Variants in ESCO2 observed in about 807,000 individuals in gnomAD.
The protein encoded by ESCO2 is N-acetyltransferase ESCO2.
Under a neutral mutation model 61.7 loss-of-function variants are expected in ESCO2, and 51 were observed. The ratio of observed to expected loss-of-function variants is 0.83; its 90% CI spans 0.66 to 1.04. The LOEUF (loss-of-function observed/expected upper bound fraction) is 1.04. Among genes scored for constraint, ESCO2 ranks in the 50% least tolerant of loss-of-function variants. The pLI is 0.00. For missense variants in ESCO2, 692 were observed against 686.2 expected (o/e 1.01, Z -0.09); for synonymous variants, 230 against 238.2 (o/e 0.97, Z 0.32).
At chr8:27,801,070 A>G (rs575901303) in intron 10 of ESCO2, among the ~76,000 whole-genome samples, 2 of 152,304 alleles carry the variant, frequency 1.3e-5, no homozygotes, top group East Asian at 3.9e-4. Flanking sequence ...GTACACTTTT[A>G]AAGGGTGAGT....
chr8:27,776,296 A>T, intron 2 of ESCO2, 66 bp from the exon 3 acceptor site: 1 of 1,324,044 alleles, frequency 7.6e-7, no homozygotes, highest in Non-Finnish European at 1.1e-6. Context: ...GAGCTTACTT[A>T]GCAGTAGATT....
chr8:27,796,506 TGA>T (rs1805300191), intron 9 of ESCO2, among the ~76,000 whole-genome samples: 1 of 152,178 alleles, frequency 6.6e-6, no homozygotes, highest in Non-Finnish European at 1.5e-5. Flanking sequence ...TTAGGCTACT[TGA>T]GATCTTTCTT....
chr8:27,794,318 A>AT, intron 9 of ESCO2, among the ~76,000 whole-genome samples: 1 of 152,264 alleles, frequency 6.6e-6, no homozygotes, highest in East Asian at 1.9e-4. Flanking sequence ...GCGTGAGGTG[A>AT]TCTTGTTTTA....
intron 2 of ESCO2, 109 bp from the exon 3 acceptor site, chr8:27,776,253 T>A: frequency 2.5e-6 from 2 of 815,088 alleles, no homozygotes; most frequent in Non-Finnish European, 3.9e-6. Flanking sequence ...GTATGGGGGG[T>A]ACATGTATTG....
At chr8:27,786,433 G>A (rs1805043303) in intron 5 of ESCO2, among the ~76,000 whole-genome samples, 1 of 152,154 alleles carries the variant, frequency 6.6e-6, no homozygotes. Context: ...ACTGTGCCTG[G>A]GCATGACTGC....
At chr8:27,816,926 T>C (rs1218747701), downstream of ESCO2, among the ~76,000 whole-genome samples, 1 of 152,150 alleles carries the variant, frequency 6.6e-6, no homozygotes, top group Non-Finnish European at 1.5e-5. Flanking sequence ...TCTCACACAT[T>C]GTTGCATAGT....
upstream of ESCO2, chr8:27,774,340 G>A (rs1211159991): frequency 6.6e-6 from 1 of 152,178 alleles, no homozygotes; most frequent in Non-Finnish European, 1.5e-5. Flanking sequence ...CGGGAACGGA[G>A]TCCGGCGTTG....
downstream of ESCO2, chr8:27,810,179 T>A (rs1585418101): frequency 7.6e-6 from 5 of 661,666 alleles, no homozygotes; most frequent in East Asian, 1.4e-4. Flanking sequence ...GTTATCCATA[T>A]GTTAACAAGA....
intron 10 of ESCO2, among the ~76,000 whole-genome samples, chr8:27,802,666 A>G (rs1256225669): frequency 6.4e-5 from 8 of 125,070 alleles, no homozygotes; most frequent in Non-Finnish European, 9.9e-5. Flanking sequence ...TTATATATAT[A>G]TATATATAGT....
At chr8:27,817,625 G>A (rs1405412295), downstream of ESCO2, among the ~76,000 whole-genome samples, 1 of 151,044 alleles carries the variant, frequency 6.6e-6, no homozygotes, top group African/African-American at 2.4e-5. Flanking sequence ...TAATATATCA[G>A]GTTATTATAA....
rs1382297259 is a variant in ESCO2 at position 27,803,298 on chromosome 8, T to G, written c.1674-8T>G. On this transcript the variant is annotated splice_region_variant and splice_polypyrimidine_tract_variant and intron_variant, in intron 10 of 10. Transcript: ENST00000305188. ...TCCATCATTAAATCATCTTTTCTTC[T>G]CTTTTAGGAATTGCTTCATGTTTGG... The G allele has an allele frequency of 6.2e-7, 1 of 1,613,482 alleles. No individual in the cohort carries two copies. The highest frequency in any genetic ancestry group is 1.3e-5 in the African/African-American group (1 of 74,908).
At chr8:27,777,190 T>A (rs1804814258) in intron 3 of ESCO2, 21 bp downstream of exon 3, 1 of 1,589,972 alleles carries the variant, frequency 6.3e-7, no homozygotes, top group South Asian at 1.2e-5. Flanking sequence ...ATATATCACT[T>A]TAAAAATGGC....
chr8:27,781,172 A>T (rs1804919728), intron 4 of ESCO2, among the ~76,000 whole-genome samples: 2 of 152,202 alleles, frequency 1.3e-5, no homozygotes, highest in Non-Finnish European at 2.9e-5. Flanking sequence ...TAATAACTAC[A>T]GTTTATCATT....
chr8:27,777,384 C>G (rs1804819759), intron 3 of ESCO2: 1 of 372,504 alleles, frequency 2.7e-6, no homozygotes, highest in East Asian at 6.1e-5. Flanking sequence ...TCACTACAGC[C>G]TCAACCTCCT....
Position 27,792,774 on chromosome 8 carries a change from G to C in ESCO2, c.1460G>C (p.Arg487Thr), listed in dbSNP as rs1219698212. ...TTTCTTTTTATATCTGATGAAAAGA[G>C]AGTAGTTGGGTGTTTAATTGCAGAA... ...KTFLFISDEK[R>T]VVGCLIAEPI... The change falls in exon 9 of 11, where the codon AGA becomes ACA. Residue 487 changes from arginine to threonine, a missense_variant. By Grantham distance (71) the Arg-to-Thr change is moderately conservative. Coordinates refer to ENST00000305188, the MANE Select transcript of ESCO2 (RefSeq NM_001017420.3). 1 of 1,607,560 alleles carries C rather than the reference G, an allele frequency of 6.2e-7. No individual in the cohort carries two copies. Among genetic ancestry groups the C allele is most frequent in the African/African-American group, 1.3e-5 (1 of 74,474 alleles).
At chr8:27,783,008 T>C (rs1297777172) in intron 4 of ESCO2, among the ~76,000 whole-genome samples, 2 of 152,130 alleles carry the variant, frequency 1.3e-5, no homozygotes, top group African/African-American at 2.4e-5. Flanking sequence ...TTGATGTACA[T>C]TGGAGTTCAT....
At chr8:27,783,952 T>C in intron 4 of ESCO2, 48 bp from the exon 5 acceptor site, 1 of 1,474,950 alleles carries the variant, frequency 6.8e-7, no homozygotes, top group South Asian at 1.1e-5. Flanking sequence ...GAATTAAAGC[T>C]TTGATTTTAT....
At position 27,777,168 on chromosome 8, in the gene ESCO2, A is replaced by C. The variant is rs1288376486; in HGVS notation, c.860A>C (p.Lys287Thr). ...AGTAAAAATAAAGAGAAATTAATAA[A>C]GGTAAAGCTAAATATATCACTTTAA... ...ASSKNKEKLI[K>T]DSSDDRVSSK... The change falls in exon 3 of 11, where the codon AAG becomes ACG. Residue 287 changes from lysine (K) to threonine (T), a missense_variant and splice_region_variant. Transcript: ENST00000305188. The C allele has an allele frequency of 1.9e-6, 3 of 1,599,634 alleles. No homozygotes were observed. The highest frequency in any genetic ancestry group is 1.7e-6 in the Non-Finnish European group (2 of 1,176,404).
chr8:27,800,698 C>A (rs983344115), intron 10 of ESCO2, among the ~76,000 whole-genome samples: 2 of 152,088 alleles, frequency 1.3e-5, no homozygotes, highest in Admixed American at 6.5e-5. Flanking sequence ...TGTAAATAAT[C>A]CAATCTGTGA....
Sources: gnomAD v4.1 joint callset for allele counts (sites outside exome capture counted in the v4.1 genomes callset) on GRCh38, gnomAD v4.1.1 for gene constraint, MANE v1.5 for transcripts, NCBI Gene and HGNC (gene_info 2026-07-23, HGNC 2026-07-21) for gene names.